Variants in ANKRD27 observed in about 807,000 individuals in gnomAD.
ANKRD27 encodes the protein ankyrin repeat domain 27.
In ANKRD27, 112 loss-of-function variants were observed where a neutral mutation model predicts 129.7. The observed-to-expected ratio is 0.86, with a 90% CI of 0.74 to 1.01. ANKRD27 has a LOEUF of 1.01. ANKRD27 is among the 50% of genes least tolerant of loss of function. ANKRD27 has a pLI of 0.00. For synonymous variants in ANKRD27, 516 were observed against 511.2 expected, an observed-to-expected ratio of 1.01 and a Z score of -0.13; for missense variants, 1,258 against 1,300.5, an observed-to-expected ratio of 0.97 and a Z score of 0.50.
intron 5 of ANKRD27, among the ~76,000 whole-genome samples, chr19:32,644,089 G>C (rs777741508): frequency 6.6e-6 from 1 of 151,860 alleles, no homozygotes; most frequent in Non-Finnish European, 1.5e-5. Flanking sequence ...TACCCAGGCT[G>C]GTCTTGAACT....
At chr19:32,642,894 A>AGCG (rs1967227675) in intron 9 of ANKRD27, among the ~76,000 whole-genome samples, 1 of 152,118 alleles carries the variant, frequency 6.6e-6, no homozygotes, top group African/African-American at 2.4e-5. Context: ...CCCCGTGCCC[A>AGCG]GCGGCTCCCA....
At chr19:32,651,754 G>A (rs928439786) in intron 2 of ANKRD27, among the ~76,000 whole-genome samples, 2 of 152,134 alleles carry the variant, frequency 1.3e-5, no homozygotes, top group Non-Finnish European at 2.9e-5. Flanking sequence ...CACCTTCTCC[G>A]CCTCCCTGAC....
chr19:32,621,644 T>A (rs1407037559), intron 18 of ANKRD27, among the ~76,000 whole-genome samples: 1 of 152,010 alleles, frequency 6.6e-6, no homozygotes, highest in Non-Finnish European at 1.5e-5. Context: ...ACAAAAAAAA[T>A]TAAATATTTT....
Position 32,653,023 on chromosome 19 carries a change from T to C in ANKRD27, c.103-3231A>G, listed in dbSNP as rs979462910. On this transcript the variant is annotated intron_variant, in intron 2 of 28. Transcript: ENST00000306065. ...GCACTCTCCTGCTTCTTCCCCAGGCTGGATTAAGCACTCCACAACTGCCCA... is the reference window on the plus strand; with the variant it reads ...GCACTCTCCTGCTTCTTCCCCAGGCCGGATTAAGCACTCCACAACTGCCCA... Among the ~76,000 whole-genome samples the C allele has an allele frequency of 2.0e-5, 3 of 152,296 alleles. No homozygotes were observed. In the East Asian group the frequency reaches 5.8e-4, roughly 29 times the overall value.
rs6510271 is a variant in ANKRD27, at chr19:32,626,760, T to C, written c.1488A>G (p.Gly496=). Residue 496 remains glycine, a synonymous_variant, in exon 16 of 29, where the codon GGA becomes GGG. Coordinates refer to ENST00000306065, the MANE Select transcript of ANKRD27 (RefSeq NM_032139.3). ...GACAGGCCAGGTGGAGCGGAGTGGC[T>C]CCATGGTAGTCTGTGGCATTTACCA... is the stretch of plus-strand genomic sequence containing the variant. ...GAMVNATDYH[G]ATPLHLACQK... is the part of the protein sequence containing the mutation. The C allele has an allele frequency of 0.64, 1,031,688 of 1,610,340 alleles. 332,241 individuals carry two copies. Among genetic ancestry groups the C allele is most frequent in the African/African-American group, 0.71 (53,254 of 74,902 alleles).
In ANKRD27 at chr19:32,644,361, G is replaced by T; in HGVS notation, c.489C>A (p.Phe163Leu). Residue 163 changes from phenylalanine to leucine, a missense_variant, in exon 5 of 29, where the codon TTC becomes TTA. Physicochemically the swap from Phe to Leu is conservative, Grantham distance 22 (BLOSUM62 0). Coordinates refer to ENST00000306065, the MANE Select transcript of ANKRD27 (RefSeq NM_032139.3). Reference protein sequence around the residue: ...DRNIASFHRTFRECERKSLRH... With the variant: ...DRNIASFHRTLRECERKSLRH... ...GGAGGCTCTTTCTCTCGCATTCTCG[G>T]AATGTTCGATGGAAAGAGGCGATGT... 3 of 1,613,772 alleles carry T rather than the reference G, an allele frequency of 1.9e-6. No individual in the cohort carries two copies. The highest frequency in any genetic ancestry group is 2.5e-6 in the Non-Finnish European group (3 of 1,179,954).
intron 1 of ANKRD27, among the ~76,000 whole-genome samples, chr19:32,667,506 C>A (rs1967782436): frequency 6.6e-6 from 1 of 152,148 alleles, no homozygotes; most frequent in Admixed American, 6.6e-5. Flanking sequence ...CTTATTACTA[C>A]TTTAAATAGA....
chr19:32,636,868 C>T (rs1348449639), intron 12 of ANKRD27, among the ~76,000 whole-genome samples: 1 of 151,978 alleles, frequency 6.6e-6, no homozygotes, highest in Non-Finnish European at 1.5e-5. Flanking sequence ...CTGCCTCAGC[C>T]TCCCAAGTAG....
rs771031605 is a variant in ANKRD27, at chr19:32,628,847, G to A, written c.1212C>T (p.His404=). ...CTTCTTTCTGGTTACCTGATGCAATGTGCTGAAAAGTGACATCCAAGATGC... is the reference window on the plus strand; with the variant it reads ...CTTCTTTCTGGTTACCTGATGCAATATGCTGAAAAGTGACATCCAAGATGC... ...TSSPTDCLFK[H]IASGNQKEVE... Residue 404 remains histidine (H), a splice_region_variant and synonymous_variant, in exon 14 of 29, where the codon CAC becomes CAT. Transcript: ENST00000306065. 6.2e-7 allele frequency: 1 copy of A among 1,614,014 alleles called. No individual in the cohort carries two copies. Among genetic ancestry groups the A allele is most frequent in the Non-Finnish European group, 8.5e-7 (1 of 1,179,954 alleles).
intron 1 of ANKRD27, among the ~76,000 whole-genome samples, chr19:32,667,747 G>A (rs952837088): frequency 6.7e-6 from 1 of 149,848 alleles, no homozygotes; most frequent in Non-Finnish European, 1.5e-5. Flanking sequence ...CAGGAGAATC[G>A]CTTGAATCCA....
chr19:32,630,051 C>T (rs914640545), intron 13 of ANKRD27, among the ~76,000 whole-genome samples: 57 of 152,038 alleles, frequency 3.7e-4, no homozygotes, highest in Admixed American at 3.6e-3. Flanking sequence ...TACAAGTGCA[C>T]ACCACCATGC....
intron 1 of ANKRD27, among the ~76,000 whole-genome samples, chr19:32,664,771 C>A (rs184661964): frequency 1.0e-3 from 153 of 150,860 alleles, no homozygotes; most frequent in African/African-American, 3.4e-3. Flanking sequence ...AAAGCCTGGG[C>A]AACCCCATCT....
At chr19:32,649,006 G>A (rs1256958163) in intron 3 of ANKRD27, among the ~76,000 whole-genome samples, 13 of 136,704 alleles carry the variant, frequency 9.5e-5, no homozygotes, top group Non-Finnish European at 1.7e-4. Context: ...TCACTCTGTT[G>A]CCCAGGCTAC....
intron 16 of ANKRD27, among the ~76,000 whole-genome samples, chr19:32,626,411 C>T (rs1972091427): frequency 1.3e-5 from 2 of 152,064 alleles, no homozygotes; most frequent in Non-Finnish European, 2.9e-5. Flanking sequence ...TGGGCTCAAG[C>T]GATCCTCCTG....
Position 32,620,255 on chromosome 19 carries a change from T to TA in ANKRD27, c.1828-703_1828-702insT, listed in dbSNP as rs202019061. The stretch of plus-strand genomic sequence containing the variant: ...CCCTGCCACACACACACAAAATAAT[T>TA]TAAAAAAAAAAAAAAGAGGGAAGCC... On this transcript the variant is annotated intron_variant, in intron 18 of 28. Transcript: ENST00000306065. Among the ~76,000 whole-genome samples, 546 of 132,232 alleles carry TA rather than the reference T, an allele frequency of 4.1e-3. 3 individuals carry two copies. Among genetic ancestry groups the TA allele is most frequent in the African/African-American group, 0.011 (386 of 35,358 alleles). The allele number at this position is 132,232 out of a possible 152,430, so 86.7% of individuals were successfully genotyped here.
Position 32,643,566 on chromosome 19 carries a change from G to C in ANKRD27, c.585+6C>G. On this transcript the variant is annotated splice_donor_region_variant and intron_variant, in intron 6 of 28. Coordinates refer to ENST00000306065, the MANE Select transcript of ANKRD27 (RefSeq NM_032139.3). ...AATTCTCCCTCTCAGAAGTCCTGCT[G>C]CTTACCAGGTGAGAGTCCCTCAGAA... The C allele has an allele frequency of 6.2e-7, 1 of 1,614,014 alleles. No homozygotes were observed. The highest frequency in any genetic ancestry group is 8.5e-7 in the Non-Finnish European group (1 of 1,180,006).
chr19:32,605,702 T>C (rs1815050745), intron 24 of ANKRD27, 133 bp downstream of exon 24: 1 of 1,237,312 alleles, frequency 8.1e-7, no homozygotes, highest in Admixed American at 2.1e-5. Context: ...CACGCCCTGC[T>C]CCTCTCCCCA....
intron 1 of ANKRD27, among the ~76,000 whole-genome samples, chr19:32,663,199 G>C (rs1164999767): frequency 6.6e-6 from 1 of 152,142 alleles, no homozygotes; most frequent in African/African-American, 2.4e-5. Context: ...CATGATGAAA[G>C]GCCATGGGGG....
intron 2 of ANKRD27, among the ~76,000 whole-genome samples, chr19:32,651,778 G>T (rs1391069294): frequency 1.3e-5 from 2 of 152,116 alleles, no homozygotes; most frequent in Admixed American, 6.6e-5. Context: ...CATAATGCAC[G>T]TCTGGCCCCA....
Sources: gnomAD v4.1 joint callset for allele counts (sites outside exome capture counted in the v4.1 genomes callset) on GRCh38, gnomAD v4.1.1 for gene constraint, MANE v1.5 for transcripts, NCBI Gene and HGNC (gene_info 2026-07-23, HGNC 2026-07-21) for gene names.